TSHZ2: variants seen among roughly 807,000 people sequenced by gnomAD.
The protein encoded by TSHZ2 is teashirt homolog 2.
Under a neutral mutation model 74.4 loss-of-function variants are expected in TSHZ2, and 21 were observed. The ratio of observed to expected loss-of-function variants is 0.28; its 90% CI spans 0.20 to 0.41. TSHZ2 has a LOEUF of 0.41. Ranked by LOEUF, TSHZ2 falls within the 10% of genes least tolerant of loss-of-function variation. The probability of loss-of-function intolerance (pLI) is 1.00; values close to 1 mark genes in which losing one functional copy is unlikely to be tolerated. For synonymous variants in TSHZ2, 540 were observed against 515.3 expected (o/e 1.05, Z -0.65); for missense variants, 1,244 against 1,293.5 (o/e 0.96, Z 0.59).
intron 1 of TSHZ2, among the ~76,000 whole-genome samples, chr20:53,160,488 GC>G: frequency 6.6e-6 from 1 of 152,222 alleles, no homozygotes; most frequent in South Asian, 2.1e-4. Flanking sequence ...CATTTTCAGG[GC>G]CGGGGGCAGT....
intron 1 of TSHZ2, among the ~76,000 whole-genome samples, chr20:53,228,839 T>C (rs1397542808): frequency 1.3e-5 from 2 of 152,178 alleles, no homozygotes; most frequent in South Asian, 4.2e-4. Context: ...GGGGGAAAAA[T>C]GCCCCCCAAC....
At chr20:53,484,665 C>T (rs559420346) in intron 2 of TSHZ2, among the ~76,000 whole-genome samples, 4 of 151,960 alleles carry the variant, frequency 2.6e-5, no homozygotes, top group Admixed American at 6.6e-5. Flanking sequence ...GGATTACAGG[C>T]GTGCACCACC....
chr20:53,476,118 C>CA (rs1985984879), intron 2 of TSHZ2, among the ~76,000 whole-genome samples: 1 of 144,260 alleles, frequency 6.9e-6, no homozygotes, highest in African/African-American at 2.7e-5. Context: ...GGAACTATTC[C>CA]AATCAATAGA....
chr20:53,323,802 T>G (rs1197358121), intron 2 of TSHZ2, among the ~76,000 whole-genome samples: 1 of 152,016 alleles, frequency 6.6e-6, no homozygotes, highest in Non-Finnish European at 1.5e-5. Flanking sequence ...GGTCTCAAAC[T>G]CCTAACCTTA....
At chr20:52,998,183 T>G (rs556952243) in intron 1 of TSHZ2, among the ~76,000 whole-genome samples, 125 of 152,260 alleles carry the variant, frequency 8.2e-4, no homozygotes, top group African/African-American at 2.0e-3. Flanking sequence ...CTTCTTTTTT[T>G]GGGGGGACAG....
At chr20:53,288,028 T>C (rs1378799418) in intron 2 of TSHZ2, among the ~76,000 whole-genome samples, 1 of 152,140 alleles carries the variant, frequency 6.6e-6, no homozygotes, top group African/African-American at 2.4e-5. Context: ...AGGCTGGCCA[T>C]AGAGGAAACT....
intron 2 of TSHZ2, among the ~76,000 whole-genome samples, chr20:53,270,445 C>G (rs932625911): frequency 6.6e-6 from 1 of 152,098 alleles, no homozygotes; most frequent in African/African-American, 2.4e-5. Flanking sequence ...GGTGAAGAAA[C>G]CAGCCCTCAG....
chr20:53,133,298 T>G (rs971548137), intron 1 of TSHZ2, among the ~76,000 whole-genome samples: 7 of 152,240 alleles, frequency 4.6e-5, no homozygotes, highest in African/African-American at 1.7e-4. Context: ...TTGCCTTTGA[T>G]GTACCTCCAT....
At position 53,494,822 on chromosome 20, in the gene TSHZ2, T is replaced by C. The variant is rs933777754; in HGVS notation, c.*7687T>C. ...TTTACATTTTTATACATGATAACTCTTGCCTTTGTGTTGAAAAAAAAAAAG... is the reference window on the plus strand; with the variant it reads ...TTTACATTTTTATACATGATAACTCCTGCCTTTGTGTTGAAAAAAAAAAAG... On this transcript the variant is annotated 3_prime_UTR_variant, in exon 3 of 3. Transcript: ENST00000371497. 6.6e-6 allele frequency: 1 copy of C among 152,100 alleles called. No homozygotes were observed. Among genetic ancestry groups the C allele is most frequent in the Non-Finnish European group, 1.5e-5 (1 of 68,024 alleles). 9.4% of individuals were successfully genotyped at this position (152,100 alleles called of 1,614,324 possible).
At chr20:53,144,940 A>G (rs951493797) in intron 1 of TSHZ2, among the ~76,000 whole-genome samples, 6 of 152,278 alleles carry the variant, frequency 3.9e-5, no homozygotes, top group Admixed American at 3.3e-4. Flanking sequence ...TCCAGATATA[A>G]TAATTCACAC....
Position 53,468,024 on chromosome 20 carries a change from C to T in TSHZ2, c.*9-19120C>T, listed in dbSNP as rs562639184. On this transcript the variant is annotated intron_variant, in intron 2 of 2. Coordinates refer to ENST00000371497, the MANE Select transcript of TSHZ2 (RefSeq NM_173485.6). ...CTTTCTGTAAAAGAAAAAAAAATAACACCACTCCTTCCTGCAAAAATGTTT... is the reference window on the plus strand; with the variant it reads ...CTTTCTGTAAAAGAAAAAAAAATAATACCACTCCTTCCTGCAAAAATGTTT... 5.9e-5 allele frequency among the ~76,000 whole-genome samples: 9 copies of T among 151,958 alleles called. No individual in the cohort carries two copies. The South Asian group carries it at 1.9e-3, about 32-fold the overall frequency.
chr20:53,383,441 A>G (rs1981930860), intron 2 of TSHZ2, among the ~76,000 whole-genome samples: 1 of 152,086 alleles, frequency 6.6e-6, no homozygotes, highest in South Asian at 2.1e-4. Flanking sequence ...GGATAAATCC[A>G]TGACTTTTAT....
intron 1 of TSHZ2, among the ~76,000 whole-genome samples, chr20:53,001,832 G>A (rs937473674): frequency 6.6e-6 from 1 of 152,194 alleles, no homozygotes; most frequent in Non-Finnish European, 1.5e-5. Context: ...GTTTGATAGT[G>A]GCATAGCTGT....
At chr20:52,981,064 G>A (rs1026138132) in intron 1 of TSHZ2, among the ~76,000 whole-genome samples, 17 of 152,302 alleles carry the variant, frequency 1.1e-4, no homozygotes, top group African/African-American at 3.6e-4. Flanking sequence ...CCATAAATGC[G>A]TTTTATATCA....
At position 53,246,950 on chromosome 20, in the gene TSHZ2, T is replaced by C. The variant is rs78221593; in HGVS notation, c.41-6549T>C. ...AATTACCCGAACCATCTTCAGGAAA[T>C]TGAAAAAAATAGAGAGAGATTGTTG... On this transcript the variant is annotated intron_variant, in intron 1 of 2. Transcript: ENST00000371497. 7.4e-3 allele frequency among the ~76,000 whole-genome samples: 1,128 copies of C among 152,162 alleles called. 18 individuals carry two copies. The highest frequency in any genetic ancestry group is 0.026 in the African/African-American group (1,081 of 41,522).
intron 2 of TSHZ2, among the ~76,000 whole-genome samples, chr20:53,328,113 A>T (rs1006445056): frequency 6.6e-6 from 1 of 152,150 alleles, no homozygotes; most frequent in Non-Finnish European, 1.5e-5. Flanking sequence ...TAAACCTGAC[A>T]ATGGTGCTCA....
At chr20:53,177,600 G>A (rs1404770497) in intron 1 of TSHZ2, among the ~76,000 whole-genome samples, 1 of 151,954 alleles carries the variant, frequency 6.6e-6, no homozygotes, top group African/African-American at 2.4e-5. Flanking sequence ...TTTACCTTCG[G>A]GGCCCCTCGC....
chr20:53,454,467 C>G (rs911498391), intron 2 of TSHZ2, among the ~76,000 whole-genome samples: 1 of 151,158 alleles, frequency 6.6e-6, no homozygotes, highest in East Asian at 1.9e-4. Context: ...GAGGCTGAGA[C>G]AGAAGAATCA....
At chr20:53,362,461 G>A (rs916539405) in intron 2 of TSHZ2, among the ~76,000 whole-genome samples, 29 of 152,248 alleles carry the variant, frequency 1.9e-4, no homozygotes, top group African/African-American at 6.0e-4. Context: ...TGGAATTACA[G>A]GCCTGAGCCA....
Sources: gnomAD v4.1 joint callset for allele counts (sites outside exome capture counted in the v4.1 genomes callset) on GRCh38, gnomAD v4.1.1 for gene constraint, MANE v1.5 for transcripts, NCBI Gene and HGNC (gene_info 2026-07-23, HGNC 2026-07-21) for gene names.